The following ZNF407 variants were observed in gnomAD, a reference collection of about 807,000 sequenced individuals.
ZNF407 encodes the protein zinc finger protein 407.
In ZNF407, 17 loss-of-function variants were observed where a neutral mutation model predicts 131.2. The ratio of observed to expected loss-of-function variants is 0.13; its 90% CI spans 0.09 to 0.19. The LOEUF (loss-of-function observed/expected upper bound fraction) is 0.19, where lower values mean the gene tolerates loss of function less well. Among genes scored for constraint, ZNF407 ranks in the 10% least tolerant of loss-of-function variants. The pLI is 1.00. For missense variants in ZNF407, 2,681 were observed against 2,830.6 expected, an observed-to-expected ratio of 0.95 and a Z score of 1.20; for synonymous variants, 1,156 against 1,062.0, an observed-to-expected ratio of 1.09 and a Z score of -1.72.
At chr18:75,060,523 T>TG (rs11389336) in intron 8 of ZNF407, among the ~76,000 whole-genome samples, 40 of 148,548 alleles carry the variant, frequency 2.7e-4, no homozygotes, top group African/African-American at 9.2e-4. Flanking sequence ...TTTTTTTTTT[T>TG]GCGACGGAGT....
chr18:74,736,604 C>T (rs992460420), intron 3 of ZNF407, among the ~76,000 whole-genome samples: 5 of 151,864 alleles, frequency 3.3e-5, no homozygotes, highest in African/African-American at 1.2e-4. Context: ...ATTTTTTTAA[C>T]ATATAAAATG....
chr18:74,609,096 G>T (rs1490999983), intron 1 of ZNF407, among the ~76,000 whole-genome samples: 1 of 152,174 alleles, frequency 6.6e-6, no homozygotes, highest in African/African-American at 2.4e-5. Flanking sequence ...AAACATAGCA[G>T]GGGAGAGGTA....
At chr18:74,700,244 A>G (rs1425487666) in intron 3 of ZNF407, among the ~76,000 whole-genome samples, 4 of 152,230 alleles carry the variant, frequency 2.6e-5, no homozygotes, top group African/African-American at 4.8e-5. Context: ...TTTAAAATAC[A>G]TTAGTATACC....
rs1244335595 is a variant in ZNF407 at position 74,946,415 on chromosome 18, CTGTT to C, written c.5428+25727_5428+25730del. Among the ~76,000 whole-genome samples the C allele has an allele frequency of 3.9e-5, 6 of 152,280 alleles. No homozygotes were observed. The South Asian group carries it at 1.0e-3, about 26-fold the overall frequency. ...CACTCTCTTTGTGCTTTGAGATACT[CTGTT>C]TGTGCATGTTTGATTTTGATTTTTA... is the stretch of plus-strand genomic sequence containing the variant. On this transcript the variant is annotated intron_variant, in intron 8 of 8. Coordinates refer to ENST00000299687, the MANE Select transcript of ZNF407 (RefSeq NM_017757.3).
chr18:75,023,714 A>T (rs1479585724), intron 8 of ZNF407, among the ~76,000 whole-genome samples: 1 of 152,194 alleles, frequency 6.6e-6, no homozygotes, highest in Admixed American at 6.6e-5. Context: ...TACTCTAGCT[A>T]TCTGAGCACC....
intron 7 of ZNF407, among the ~76,000 whole-genome samples, chr18:74,895,357 T>C (rs1231824060): frequency 6.6e-6 from 1 of 151,968 alleles, no homozygotes; most frequent in East Asian, 1.9e-4. Flanking sequence ...AAACATTTTG[T>C]TGAGTATTTC....
At chr18:74,825,845 C>T (rs17055674) in intron 4 of ZNF407, among the ~76,000 whole-genome samples, 13,242 of 152,192 alleles carry the variant, frequency 0.087, 657 homozygotes, top group South Asian at 0.17. Context: ...AAATTTAAAA[C>T]AGTCAGAAAA....
At chr18:74,604,431 T>A (rs568727953) in intron 1 of ZNF407, among the ~76,000 whole-genome samples, 2 of 152,210 alleles carry the variant, frequency 1.3e-5, no homozygotes, top group Admixed American at 6.5e-5. Flanking sequence ...GAACAGTCTG[T>A]GAAGAAGGGG....
chr18:74,727,714 A>G (rs1022779447), intron 3 of ZNF407, among the ~76,000 whole-genome samples: 8 of 152,240 alleles, frequency 5.3e-5, no homozygotes, highest in African/African-American at 1.9e-4. Context: ...ATATGCAGAT[A>G]GCAAGTCGCC....
At chr18:74,954,127 T>A (rs2145283176) in intron 8 of ZNF407, among the ~76,000 whole-genome samples, 1 of 152,340 alleles carries the variant, frequency 6.6e-6, no homozygotes, top group Admixed American at 6.5e-5. Flanking sequence ...TATAACAAAA[T>A]TTAATGCTTT....
chr18:74,778,896 C>G (rs1439890223), intron 3 of ZNF407, among the ~76,000 whole-genome samples: 1 of 151,806 alleles, frequency 6.6e-6, no homozygotes, highest in African/African-American at 2.4e-5. Flanking sequence ...GGCTAGCTTT[C>G]AGATTTGCCA....
At chr18:74,870,577 T>A (rs2145171625) in intron 4 of ZNF407, among the ~76,000 whole-genome samples, 1 of 152,326 alleles carries the variant, frequency 6.6e-6, no homozygotes, top group Non-Finnish European at 1.5e-5. Context: ...CAAAGTCTAG[T>A]CTAACTTAAA....
At chr18:74,646,489 T>C (rs1984979610) in intron 3 of ZNF407, among the ~76,000 whole-genome samples, 1 of 152,212 alleles carries the variant, frequency 6.6e-6, no homozygotes, top group Non-Finnish European at 1.5e-5. Context: ...TATAATATTT[T>C]AATATTTTTT....
rs530503651 is a variant in ZNF407, at chr18:75,046,895, C to G, written c.5429-16255C>G. On this transcript the variant is annotated intron_variant, in intron 8 of 8. Transcript: ENST00000299687. Reference sequence around the variant, plus strand: ...CTTGACCTCTGTCCTTCAATATATACTAGTCGAATTTAAGTCAAATAAATT... The same window carrying G: ...CTTGACCTCTGTCCTTCAATATATAGTAGTCGAATTTAAGTCAAATAAATT... Among the ~76,000 whole-genome samples, 4 of 152,166 alleles carry G rather than the reference C, an allele frequency of 2.6e-5. No homozygotes were observed. In the East Asian group the frequency reaches 7.7e-4, roughly 29 times the overall value.
chr18:74,981,314 G>A (rs1044388791), intron 8 of ZNF407, among the ~76,000 whole-genome samples: 10 of 152,336 alleles, frequency 6.6e-5, no homozygotes, highest in African/African-American at 1.7e-4. Context: ...CGGAAAGTGC[G>A]TCTAGGAGTG....
intron 1 of ZNF407, among the ~76,000 whole-genome samples, chr18:74,622,444 C>G (rs147894258): frequency 2.6e-5 from 4 of 152,302 alleles, no homozygotes; most frequent in African/African-American, 9.6e-5. Context: ...CCTTGCCCTG[C>G]GAGGAGCAGG....
intron 3 of ZNF407, among the ~76,000 whole-genome samples, chr18:74,757,396 TC>T (rs1355264591): frequency 6.6e-6 from 1 of 152,116 alleles, no homozygotes; most frequent in East Asian, 1.9e-4. Flanking sequence ...TTTTGTGATT[TC>T]TTCTTTGACC....
At chr18:74,621,518 C>G (rs552654076) in intron 1 of ZNF407, among the ~76,000 whole-genome samples, 20 of 152,202 alleles carry the variant, frequency 1.3e-4, no homozygotes, top group Admixed American at 5.9e-4. Flanking sequence ...CAGCCCCCAG[C>G]TCCTCACTGG....
chr18:75,059,802 AC>A (rs1305257908), intron 8 of ZNF407, among the ~76,000 whole-genome samples: 6 of 9,642 alleles, frequency 6.2e-4, no homozygotes, highest in South Asian at 3.9e-3. Context: ...ATCAAAGTTT[AC>A]AAGACAACCA....
Sources: gnomAD v4.1 joint callset for allele counts (sites outside exome capture counted in the v4.1 genomes callset) on GRCh38, gnomAD v4.1.1 for gene constraint, MANE v1.5 for transcripts, NCBI Gene and HGNC (gene_info 2026-07-23, HGNC 2026-07-21) for gene names.